The following TCEA2 variants were observed in gnomAD, a reference collection of about 807,000 sequenced individuals.
The protein encoded by TCEA2 is transcription elongation factor A protein 2.
Under a neutral mutation model 40.8 loss-of-function variants are expected in TCEA2, and 21 were observed. The observed-to-expected ratio is 0.51, with a 90% CI of 0.36 to 0.74. The LOEUF is 0.74. Ranked by LOEUF, TCEA2 falls within the 30% of genes least tolerant of loss-of-function variation. The probability of loss-of-function intolerance (pLI) is 0.00; values close to 1 mark genes in which losing one functional copy is unlikely to be tolerated. For synonymous variants in TCEA2, 165 were observed against 162.7 expected (o/e 1.01, Z -0.11); for missense variants, 326 against 426.5 (o/e 0.76, Z 2.08).
chr20:64,072,266 G>T lies in TCEA2; in HGVS notation c.*86G>T. 1 of 1,482,126 alleles carries T rather than the reference G, an allele frequency of 6.7e-7. No individual in the cohort carries two copies. Among genetic ancestry groups the T allele is most frequent in the Non-Finnish European group, 9.3e-7 (1 of 1,077,674 alleles). 91.8% of individuals were successfully genotyped at this position (1,482,126 alleles called of 1,614,324 possible). On this transcript the variant is annotated 3_prime_UTR_variant, in exon 10 of 10. Transcript: ENST00000343484. ...AGCTTCTCTGGAGACCCTAGAAGGC[G>T]GCATGTCCTGCCCTCAACCTGCCTG...
At chr20:64,064,844 G>T (rs2059650194) in intron 1 of TCEA2, among the ~76,000 whole-genome samples, 1 of 151,142 alleles carries the variant, frequency 6.6e-6, no homozygotes. Context: ...ATTCATAGCT[G>T]TTTCCAGAGA....
chr20:64,072,130 CAT>C (rs1569257737), intron 9 of TCEA2, 40 bp from the exon 10 acceptor site: 14 of 1,612,438 alleles, frequency 8.7e-6, no homozygotes, highest in Non-Finnish European at 1.1e-5. Context: ...TGGGGGATCT[CAT>C]GTGGCCACAA....
At chr20:64,064,136 C>G (rs549741905) in intron 1 of TCEA2, 1 of 152,312 alleles carries the variant, frequency 6.6e-6, no homozygotes, top group Admixed American at 6.5e-5. Flanking sequence ...CAGGACTTAG[C>G]CCGCAGCAAC....
intron 6 of TCEA2, 129 bp from the exon 7 acceptor site, chr20:64,070,131 G>T: frequency 5.8e-6 from 8 of 1,372,704 alleles, no homozygotes; most frequent in Non-Finnish European, 8.1e-6. Flanking sequence ...AGGTGTGGGT[G>T]GGCAGACCGA....
chr20:64,061,932 T>C (rs2059573529), upstream of TCEA2, among the ~76,000 whole-genome samples: 1 of 152,054 alleles, frequency 6.6e-6, no homozygotes. Flanking sequence ...TTTCACCATA[T>C]TGGCCAGGCT....
chr20:64,058,389 C>T (rs907117036), upstream of TCEA2, among the ~76,000 whole-genome samples: 1 of 152,282 alleles, frequency 6.6e-6, no homozygotes, highest in African/African-American at 2.4e-5. The surrounding 1 kb of genome is among the most constrained non-coding windows in gnomAD (Gnocchi z 6.7). Flanking sequence ...ATCTTGACCT[C>T]CCCGTCTGCA....
At chr20:64,063,123 G>T (rs953406589), upstream of TCEA2, 8 of 346,120 alleles carry the variant, frequency 2.3e-5, no homozygotes, top group African/African-American at 8.8e-5. Flanking sequence ...GCGGCAGGCG[G>T]GCGCGTGGAC....
At chr20:64,060,297 C>T (rs1020784951), upstream of TCEA2, among the ~76,000 whole-genome samples, 1 of 152,220 alleles carries the variant, frequency 6.6e-6, no homozygotes, top group Admixed American at 6.5e-5. Context: ...GTCTTCAAAT[C>T]AACTCACACT....
At chr20:64,067,378 G>A (rs954541600) in intron 3 of TCEA2, among the ~76,000 whole-genome samples, 33 of 152,332 alleles carry the variant, frequency 2.2e-4, no homozygotes, top group African/African-American at 7.9e-4. Context: ...CCAGGAGGCT[G>A]GGAAGTGCCG....
chr20:64,059,833 G>C (rs969171677), upstream of TCEA2, among the ~76,000 whole-genome samples: 26 of 152,284 alleles, frequency 1.7e-4, no homozygotes, highest in African/African-American at 6.0e-4. Context: ...GGCCTGGGGA[G>C]GGTCAAGGCT....
In TCEA2 at chr20:64,070,413, A is replaced by C. The variant is rs748334360; in HGVS notation, c.671A>C (p.Glu224Ala). The C allele has an allele frequency of 1.9e-6, 3 of 1,614,070 alleles. No individual in the cohort carries two copies. Among genetic ancestry groups the C allele is most frequent in the Non-Finnish European group, 2.5e-6 (3 of 1,180,000 alleles). Reference sequence around the variant, plus strand: ...CAGCAGATCGCTGTGATGACCTCAGAGGTGAGCCCCTGTTGGAGGGGCTGG... The same window carrying C: ...CAGCAGATCGCTGTGATGACCTCAGCGGTGAGCCCCTGTTGGAGGGGCTGG... ...TPQQIAVMTS[E>A]EMASDELKEI... Residue 224 changes from glutamate to alanine, a missense_variant and splice_region_variant, in exon 7 of 10, where the codon GAG becomes GCG. Coordinates refer to ENST00000343484, the MANE Select transcript of TCEA2 (RefSeq NM_003195.6).
chr20:64,063,736 C>T (rs1052777667), intron 1 of TCEA2: 2 of 279,548 alleles, frequency 7.2e-6, no homozygotes, highest in Non-Finnish European at 1.4e-5. Context: ...TCGACTCCTT[C>T]CTTGGCCCTG....
chr20:64,066,850 G>C, intron 2 of TCEA2, 65 bp from the exon 3 acceptor site: 1 of 1,505,878 alleles, frequency 6.6e-7, no homozygotes, highest in Non-Finnish European at 9.1e-7. Context: ...CCAAGGCTCT[G>C]CCAGGAGAAT....
At chr20:64,056,474 C>T (rs963279924), upstream of TCEA2, among the ~76,000 whole-genome samples, 109 of 152,092 alleles carry the variant, frequency 7.2e-4, 1 homozygote, top group Non-Finnish European at 1.3e-4. Context: ...TGGAAAGGGG[C>T]GCAGAGACGG....
chr20:64,060,140 G>C (rs1216427150), upstream of TCEA2, among the ~76,000 whole-genome samples: 1 of 152,210 alleles, frequency 6.6e-6, no homozygotes, highest in African/African-American at 2.4e-5. Context: ...TCTGGGGTTA[G>C]TTCTCCTCTG....
At chr20:64,063,415 A>C (rs1601580330) in intron 1 of TCEA2, 31 bp downstream of exon 1, 10 of 1,539,804 alleles carry the variant, frequency 6.5e-6, no homozygotes, top group Non-Finnish European at 8.7e-6. Flanking sequence ...GGACCCCGGG[A>C]ACCCCGCCCC....
At chr20:64,070,685 C>A in intron 8 of TCEA2, 50 bp downstream of exon 8, 1 of 1,474,570 alleles carries the variant, frequency 6.8e-7, no homozygotes. Context: ...TTCAGGGCAT[C>A]TGGTGCCCCT....
intron 6 of TCEA2, 156 bp downstream of exon 6, chr20:64,069,977 C>T: frequency 4.0e-6 from 4 of 992,278 alleles, no homozygotes; most frequent in Non-Finnish European, 6.2e-6. Context: ...GCTGTCTCAC[C>T]TCAGGAGGGC....
intron 8 of TCEA2, among the ~76,000 whole-genome samples, chr20:64,071,118 G>T (rs1319470488): frequency 1.3e-5 from 2 of 152,190 alleles, no homozygotes; most frequent in Non-Finnish European, 2.9e-5. Context: ...GGGAGGCCGA[G>T]GCAGGCGGAT....
Sources: allele counts gnomAD v4.1 joint callset (sites outside exome capture counted in the v4.1 genomes callset), GRCh38; gene constraint gnomAD v4.1.1; non-coding constraint Gnocchi (gnomAD v3.1); transcripts MANE v1.5; gene names NCBI Gene and HGNC (gene_info 2026-07-23, HGNC 2026-07-21).